Variants in CACUL1 observed in about 807,000 individuals in gnomAD.
The protein encoded by CACUL1 is CDK2 associated cullin domain 1.
CACUL1 carries 13 observed loss-of-function variants against 45.2 expected under a neutral mutation model. The ratio of observed to expected loss-of-function variants is 0.29; its 90% confidence interval spans 0.19 to 0.46. The LOEUF (loss-of-function observed/expected upper bound fraction) is 0.46, where lower values mean the gene tolerates loss of function less well. Among genes scored for constraint, CACUL1 ranks in the 20% least tolerant of loss-of-function variants. CACUL1 has a pLI of 1.00. For synonymous variants in CACUL1, 197 were observed against 174.2 expected (o/e 1.13, Z -1.03); for missense variants, 421 against 471.4 (o/e 0.89, Z 0.99).
Position 118,683,085 on chromosome 10 carries a change from C to T in CACUL1, c.*3043G>A, listed in dbSNP as rs1414682050. On this transcript the variant is annotated 3_prime_UTR_variant, in exon 9 of 9. Coordinates refer to ENST00000369151, the MANE Select transcript of CACUL1 (RefSeq NM_153810.5). ...GTACAGGTGTGACAACAAAAGGTCA[C>T]AAAATGACAATGTTACTGAAGCTTA... 1 of 152,152 alleles carries T rather than the reference C, an allele frequency of 6.6e-6. No individual in the cohort carries two copies. The highest frequency in any genetic ancestry group is 1.9e-4 in the East Asian group (1 of 5,200). 9.4% of individuals were successfully genotyped at this position (152,152 alleles called of 1,614,324 possible). A position where few individuals can be genotyped will look rare whatever the true frequency, so the allele number is the denominator to read the frequency against.
rs1845115244 is a variant in CACUL1 at position 118,678,103 on chromosome 10, G to A, written c.*8025C>T. 6.6e-6 allele frequency: 1 copy of A among 152,188 alleles called. No individual in the cohort carries two copies. Among genetic ancestry groups the A allele is most frequent in the African/African-American group, 2.4e-5 (1 of 41,434 alleles). The allele number at this position is 152,188 out of a possible 1,614,324, so 9.4% of individuals were successfully genotyped here. ...AGGCTGAACATCTTTTCACATTTAT[G>A]GGCCATTTCTGTTTCTTCTGTGAAA... On this transcript the variant is annotated 3_prime_UTR_variant, in exon 9 of 9. Transcript: ENST00000369151.
chr10:118,754,635 G>A lies in CACUL1; in HGVS notation c.128C>T (p.Ser43Leu), dbSNP rs373912454. ...RQPLPPPPPPSSIPAPAREPP... is the reference protein window; with the variant it reads ...RQPLPPPPPPLSIPAPAREPP... ...CTCTCGGGCAGGGGCCGGGATCGAC[G>A]AGGGGGGCGGCGGAGGTGGCAGGGG... The change falls in exon 1 of 9, where the codon TCG (serine) becomes TTG (leucine). Residue 43 changes from serine to leucine, a missense_variant. Ser to Leu is a moderately radical substitution (Grantham distance 145, BLOSUM62 -2). Transcript: ENST00000369151. 2 of 1,606,916 alleles carry A rather than the reference G, an allele frequency of 1.2e-6. No homozygotes were observed. Among genetic ancestry groups the A allele is most frequent in the African/African-American group, 2.7e-5 (2 of 74,100 alleles).
chr10:118,700,173 G>A (rs1466507714), intron 5 of CACUL1, among the ~76,000 whole-genome samples: 1 of 151,986 alleles, frequency 6.6e-6, no homozygotes, highest in Admixed American at 6.6e-5. Context: ...GTAGATTCTG[G>A]TAAAAGTTCA....
chr10:118,744,668 G>A (rs909374621), intron 1 of CACUL1, among the ~76,000 whole-genome samples: 1 of 152,008 alleles, frequency 6.6e-6, no homozygotes, highest in East Asian at 1.9e-4. Flanking sequence ...TTGGGGGGCC[G>A]GGGCAGGAAC....
intron 1 of CACUL1, among the ~76,000 whole-genome samples, chr10:118,742,028 C>T (rs747950336): frequency 3.3e-5 from 5 of 152,220 alleles, no homozygotes; most frequent in Non-Finnish European, 5.9e-5. Flanking sequence ...TTCCTGAATG[C>T]TACCAAATAC....
intron 6 of CACUL1, among the ~76,000 whole-genome samples, chr10:118,694,185 C>A (rs564072344): frequency 1.3e-5 from 2 of 152,310 alleles, no homozygotes; most frequent in South Asian, 4.1e-4. Flanking sequence ...TTTCTAAAAT[C>A]AGTCTACCAG....
chr10:118,710,410 C>T (rs1004020306), intron 3 of CACUL1, among the ~76,000 whole-genome samples: 11 of 152,204 alleles, frequency 7.2e-5, no homozygotes, highest in Non-Finnish European at 1.3e-4. Flanking sequence ...TCTTTTGGCA[C>T]TCTGAAACCT....
In CACUL1 at chr10:118,754,384, G is replaced by A. The variant is rs1349094527; in HGVS notation, c.367+12C>T. On this transcript the variant is annotated intron_variant, in intron 1 of 8. Transcript: ENST00000369151. ...GAGAAAAGCCAAGGCTGCAGGGAAA[G>A]GCTGGACTCACAGAACTTGGAGGTG... 7 of 1,534,182 alleles carry A rather than the reference G, an allele frequency of 4.6e-6. No homozygotes were observed. The highest frequency in any genetic ancestry group is 6.1e-6 in the Non-Finnish European group (7 of 1,139,768).
intron 4 of CACUL1, among the ~76,000 whole-genome samples, chr10:118,706,360 A>T (rs1051389288): frequency 6.6e-6 from 1 of 152,200 alleles, no homozygotes. Context: ...AAAACTTTAA[A>T]CAGCAAGAAT....
chr10:118,707,407 C>T, intron 4 of CACUL1, 85 bp downstream of exon 4: 1 of 585,852 alleles, frequency 1.7e-6, no homozygotes, highest in East Asian at 2.9e-5. Flanking sequence ...AAAAGAAAAA[C>T]AGAATATGCT....
At position 118,679,283 on chromosome 10, in the gene CACUL1, A is replaced by C. The variant is rs1589597801; in HGVS notation, c.*6845T>G. 6.6e-6 allele frequency: 1 copy of C among 152,010 alleles called. No homozygotes were observed. Among genetic ancestry groups the C allele is most frequent in the South Asian group, 2.1e-4 (1 of 4,810 alleles). The allele number at this position is 152,010 out of a possible 1,614,324, so 9.4% of individuals were successfully genotyped here. ...AGTGGTGTGACCTTAGCCCACTGTA[A>C]CCTCCACTTCCTGGGTTCAAGTTCT... On this transcript the variant is annotated 3_prime_UTR_variant, in exon 9 of 9. Coordinates refer to ENST00000369151, the MANE Select transcript of CACUL1 (RefSeq NM_153810.5).
intron 3 of CACUL1, among the ~76,000 whole-genome samples, chr10:118,708,624 T>C (rs1368235958): frequency 6.6e-6 from 1 of 152,128 alleles, no homozygotes; most frequent in East Asian, 1.9e-4. Context: ...AGTACTGCCA[T>C]ACTAGGAATA....
intron 3 of CACUL1, among the ~76,000 whole-genome samples, chr10:118,708,892 T>C (rs781094041): frequency 2.6e-5 from 4 of 152,162 alleles, no homozygotes; most frequent in Non-Finnish European, 2.9e-5. Flanking sequence ...TTTCTTTGTT[T>C]AAGCCACCCA....
In CACUL1 at chr10:118,682,525, T is replaced by G. The variant is rs1845163346; in HGVS notation, c.*3603A>C. 6.6e-6 allele frequency: 1 copy of G among 152,666 alleles called. No homozygotes were observed. Among genetic ancestry groups the G allele is most frequent in the Non-Finnish European group, 1.5e-5 (1 of 68,050 alleles). The allele number at this position is 152,666 out of a possible 1,614,324, so 9.5% of individuals were successfully genotyped here. On this transcript the variant is annotated 3_prime_UTR_variant, in exon 9 of 9. Transcript: ENST00000369151. The stretch of plus-strand genomic sequence containing the variant: ...TATAATACAAGTGCTCCTGCTCACT[T>G]CTAACTGCAGAAACCAATTTTGTTT...
intron 3 of CACUL1, among the ~76,000 whole-genome samples, chr10:118,713,634 G>A (rs1188155744): frequency 6.6e-6 from 1 of 152,172 alleles, no homozygotes; most frequent in African/African-American, 2.4e-5. Flanking sequence ...ATTCAAATGA[G>A]TTCAAATGGG....
rs1397471704 is a variant in CACUL1 at position 118,690,161 on chromosome 10, C to T, written c.1025+1104G>A. ...CTAAAAATACAAAAAATTAGCCGGG[C>T]GCGGTGGCGGGCGCCTGTAGTCCCA... On this transcript the variant is annotated intron_variant, in intron 7 of 8. Transcript: ENST00000369151. Among the ~76,000 whole-genome samples the T allele has an allele frequency of 5.3e-5, 8 of 151,780 alleles. No individual in the cohort carries two copies. The South Asian group carries it at 1.0e-3, about 20-fold the overall frequency.
chr10:118,686,778 T>C, intron 7 of CACUL1, 137 bp from the exon 8 acceptor site: 1 of 665,208 alleles, frequency 1.5e-6, no homozygotes, highest in East Asian at 2.7e-5. Flanking sequence ...ATTAAACATC[T>C]TAGAATCCTG....
In CACUL1 at chr10:118,712,927, G is replaced by A. The variant is rs528067965; in HGVS notation, c.598-5340C>T. Among the ~76,000 whole-genome samples, 127 of 152,342 alleles carry A rather than the reference G, an allele frequency of 8.3e-4. 1 individual carries two copies. Among genetic ancestry groups the A allele is most frequent in the Admixed American group, 5.6e-3 (85 of 15,310 alleles). On this transcript the variant is annotated intron_variant, in intron 3 of 8. Coordinates refer to ENST00000369151, the MANE Select transcript of CACUL1 (RefSeq NM_153810.5). The stretch of plus-strand genomic sequence containing the variant: ...TGTAGGACTGGCAGCCTGGCTCCCA[G>A]CCTTCAGGCCCTCCTTAGCTTGAAG...
intron 7 of CACUL1, among the ~76,000 whole-genome samples, chr10:118,687,871 CA>C (rs1845224161): frequency 6.6e-6 from 1 of 152,148 alleles, no homozygotes; most frequent in South Asian, 2.1e-4. Context: ...CTCCCAACAT[CA>C]GAACATAAGT....
Sources: gnomAD v4.1 joint callset for allele counts (sites outside exome capture counted in the v4.1 genomes callset) on GRCh38, gnomAD v4.1.1 for gene constraint, MANE v1.5 for transcripts, NCBI Gene and HGNC (gene_info 2026-07-23, HGNC 2026-07-21) for gene names.